FGF12: variants seen among roughly 807,000 people sequenced by gnomAD.
The protein encoded by FGF12 is fibroblast growth factor 12B.
A neutral mutation model predicts 23.6 loss-of-function variants in FGF12; 14 were observed. The observed-to-expected ratio is 0.59, with a 90% CI of 0.39 to 0.93. FGF12 has a LOEUF of 0.93. Among genes scored for constraint, FGF12 ranks in the 40% least tolerant of loss-of-function variants. The pLI is 0.00. For synonymous variants in FGF12, 62 were observed against 77.3 expected (o/e 0.80, Z 1.04); for missense variants, 175 against 217.8 (o/e 0.80, Z 1.24).
chr3:192,493,591 CTG>C (rs1472936988), intron 2 of FGF12, among the ~76,000 whole-genome samples: 1 of 152,114 alleles, frequency 6.6e-6, no homozygotes, highest in Non-Finnish European at 1.5e-5. Context: ...GTTCTACAGA[CTG>C]TACAGGAAGC....
At position 192,326,555 on chromosome 3, in the gene FGF12, G is replaced by T. The variant is rs150371928; in HGVS notation, c.228+8806C>A. Among the ~76,000 whole-genome samples, 1,054 of 152,152 alleles carry T rather than the reference G, an allele frequency of 6.9e-3. 5 individuals carry two copies. The highest frequency in any genetic ancestry group is 0.024 in the African/African-American group (1,014 of 41,508). On this transcript the variant is annotated intron_variant, in intron 4 of 5. Transcript: ENST00000445105. ...TCATCTCACAATCTTAACATTGTCT[G>T]CTTGCACCAAGGCAATACTTTAAGG...
chr3:192,606,904 T>C (rs757537698), intron 2 of FGF12, among the ~76,000 whole-genome samples: 4 of 152,136 alleles, frequency 2.6e-5, no homozygotes, highest in Non-Finnish European at 5.9e-5. Context: ...GTGAAATATC[T>C]TAAAGTAATT....
At chr3:192,267,325 T>A (rs926662955) in intron 4 of FGF12, among the ~76,000 whole-genome samples, 1 of 152,132 alleles carries the variant, frequency 6.6e-6, no homozygotes, top group African/African-American at 2.4e-5. Context: ...TATGCCAAAA[T>A]ACAATGTGCA....
chr3:192,218,432 T>C (rs922813671), intron 4 of FGF12, among the ~76,000 whole-genome samples: 6 of 152,134 alleles, frequency 3.9e-5, no homozygotes, highest in Admixed American at 6.5e-5. Context: ...TCATGAATGG[T>C]TAAATACTAT....
chr3:192,203,473 A>T (rs1184840197), intron 4 of FGF12, among the ~76,000 whole-genome samples: 1 of 151,930 alleles, frequency 6.6e-6, no homozygotes, highest in Non-Finnish European at 1.5e-5. Context: ...ACATGTCTAT[A>T]TGTCTAAGGA....
chr3:192,367,057 C>T (rs779085619), intron 2 of FGF12, among the ~76,000 whole-genome samples: 4 of 152,176 alleles, frequency 2.6e-5, no homozygotes, highest in Admixed American at 6.6e-5. Context: ...CTGTGAAGGA[C>T]GTGGACGTCT....
chr3:192,469,975 G>A (rs1044747934), intron 2 of FGF12, among the ~76,000 whole-genome samples: 2 of 152,164 alleles, frequency 1.3e-5, no homozygotes, highest in African/African-American at 2.4e-5. Flanking sequence ...ATGATGGGAA[G>A]GGGAATGGAA....
At chr3:192,227,856 A>G (rs752340810) in intron 4 of FGF12, among the ~76,000 whole-genome samples, 3 of 152,212 alleles carry the variant, frequency 2.0e-5, no homozygotes, top group Non-Finnish European at 2.9e-5. Flanking sequence ...ATTGAAAGAG[A>G]ACTGCAAATA....
intron 2 of FGF12, among the ~76,000 whole-genome samples, chr3:192,415,730 T>TCACA (rs139401616): frequency 6.6e-5 from 4 of 60,292 alleles, no homozygotes; most frequent in African/African-American, 2.3e-4. Context: ...TCTCTCTCTC[T>TCACA]CTCACACACA....
In FGF12 at chr3:192,186,860, C is replaced by G. The variant is rs562979571; in HGVS notation, c.229-16204G>C. On this transcript the variant is annotated intron_variant, in intron 4 of 5. Coordinates refer to ENST00000445105, the MANE Select transcript of FGF12 (RefSeq NM_004113.6). ...GCAGTTAGTATTTGATTTTGGTTCC[C>G]CCTGAAATGTACCAACACACTCAAA... Among the ~76,000 whole-genome samples the G allele has an allele frequency of 2.0e-5, 3 of 152,210 alleles. No homozygotes were observed. The South Asian group carries it at 6.2e-4, about 32-fold the overall frequency.
At chr3:192,285,741 A>G (rs1714411705) in intron 4 of FGF12, among the ~76,000 whole-genome samples, 1 of 152,028 alleles carries the variant, frequency 6.6e-6, no homozygotes, top group Admixed American at 6.6e-5. Flanking sequence ...GGCTGCCTTT[A>G]GTAATTAAAA....
intron 2 of FGF12, among the ~76,000 whole-genome samples, chr3:192,416,317 A>C (rs967105318): frequency 6.6e-6 from 1 of 152,088 alleles, no homozygotes; most frequent in African/African-American, 2.4e-5. Context: ...GAATTCTCTA[A>C]GAGTAAAATG....
intron 3 of FGF12, among the ~76,000 whole-genome samples, chr3:192,339,872 C>T (rs1522263): frequency 0.25 from 38,188 of 152,022 alleles, 4,857 homozygotes; most frequent in Admixed American, 0.31. Context: ...TACATGTACA[C>T]AGCTTTATTA....
chr3:192,218,125 G>A (rs1577246090), intron 4 of FGF12, among the ~76,000 whole-genome samples: 2 of 152,206 alleles, frequency 1.3e-5, no homozygotes, highest in African/African-American at 2.4e-5. Flanking sequence ...CAGCCACCAC[G>A]CCTGGCCCTT....
At chr3:192,583,254 G>C (rs910221251) in intron 2 of FGF12, among the ~76,000 whole-genome samples, 1 of 152,166 alleles carries the variant, frequency 6.6e-6, no homozygotes, top group Non-Finnish European at 1.5e-5. Context: ...TCTCCATGGG[G>C]CCTAGTGTAG....
At chr3:192,596,822 TAG>T (rs1197204580) in intron 2 of FGF12, among the ~76,000 whole-genome samples, 3 of 152,228 alleles carry the variant, frequency 2.0e-5, no homozygotes, top group African/African-American at 7.2e-5. Flanking sequence ...ATTTAAAAAA[TAG>T]ACTCTATTCC....
Position 192,335,230 on chromosome 3 carries a change from C to T in FGF12, c.228+131G>A, listed in dbSNP as rs993103281. Reference sequence around the variant, plus strand: ...TAAATTACAAAACCTCAAAATAATCCCGAAAAACAGGATCACAAAATATAA... The same window carrying T: ...TAAATTACAAAACCTCAAAATAATCTCGAAAAACAGGATCACAAAATATAA... On this transcript the variant is annotated intron_variant, in intron 4 of 5. Transcript: ENST00000445105. The T allele has an allele frequency of 4.1e-5, 26 of 634,156 alleles. 1 individual carries two copies. The highest frequency in any genetic ancestry group is 3.9e-4 in the African/African-American group (21 of 54,228). The allele number at this position is 634,156 out of a possible 1,614,324, so 39.3% of individuals were successfully genotyped here.
intron 5 of FGF12, among the ~76,000 whole-genome samples, chr3:192,160,270 G>T (rs1006845014): frequency 2.0e-5 from 3 of 152,112 alleles, no homozygotes; most frequent in African/African-American, 4.8e-5. Context: ...AGTCCTGAAG[G>T]TGGTTACAAG....
intron 2 of FGF12, among the ~76,000 whole-genome samples, chr3:192,614,633 CG>C (rs1176771597): frequency 6.6e-6 from 1 of 151,836 alleles, no homozygotes; most frequent in African/African-American, 2.4e-5. Flanking sequence ...AACTCTAATC[CG>C]TTTTTTTCTC....
Sources: allele counts gnomAD v4.1 joint callset (sites outside exome capture counted in the v4.1 genomes callset), GRCh38; gene constraint gnomAD v4.1.1; transcripts MANE v1.5; gene names NCBI Gene and HGNC (gene_info 2026-07-23, HGNC 2026-07-21).